HDAC4: variants seen among roughly 807,000 people sequenced by gnomAD.
HDAC4 encodes histone deacetylase A.
A neutral mutation model predicts 135.1 loss-of-function variants in HDAC4; 16 were observed. That is an observed-to-expected ratio of 0.12 (90% CI 0.08 to 0.18). HDAC4 has a LOEUF of 0.18. Among genes scored for constraint, HDAC4 ranks in the 10% least tolerant of loss-of-function variants. The pLI, the probability that HDAC4 is intolerant of heterozygous loss-of-function variation, is 1.00. For synonymous variants in HDAC4, 685 were observed against 653.4 expected (o/e 1.05, Z -0.74); for missense variants, 1,143 against 1,511.8 (o/e 0.76, Z 4.05).
At chr2:239,312,177 G>C (rs1238554740) in intron 2 of HDAC4, among the ~76,000 whole-genome samples, 1 of 152,134 alleles carries the variant, frequency 6.6e-6, no homozygotes, top group Non-Finnish European at 1.5e-5. Flanking sequence ...AGGAGGGGCG[G>C]GCAGGGGCAC....
intron 12 of HDAC4, 75 bp downstream of exon 12, chr2:239,126,381 G>C: frequency 6.2e-7 from 1 of 1,608,640 alleles, no homozygotes; most frequent in South Asian, 1.1e-5. Context: ...AAAGGGGCCA[G>C]TGCTGAAGCC....
At chr2:239,254,953 A>G (rs746022460) in intron 2 of HDAC4, among the ~76,000 whole-genome samples, 7 of 152,266 alleles carry the variant, frequency 4.6e-5, no homozygotes, top group Non-Finnish European at 8.8e-5. Context: ...AACAGCAACA[A>G]AAGTAGCCAA....
At chr2:239,312,414 G>C (rs1044499911) in intron 2 of HDAC4, among the ~76,000 whole-genome samples, 1 of 152,172 alleles carries the variant, frequency 6.6e-6, no homozygotes, top group South Asian at 2.1e-4. Context: ...TGCTGGCCCA[G>C]GAGCCCACAC....
intron 2 of HDAC4, among the ~76,000 whole-genome samples, chr2:239,316,134 G>A (rs2053103930): frequency 6.6e-6 from 1 of 152,176 alleles, no homozygotes; most frequent in Admixed American, 6.5e-5. Context: ...AAATCAGCAA[G>A]TAAGTAATAC....
chr2:239,286,288 A>G (rs563439182), intron 2 of HDAC4, among the ~76,000 whole-genome samples: 102 of 152,370 alleles, frequency 6.7e-4, no homozygotes, highest in Non-Finnish European at 1.3e-3. Flanking sequence ...ATTTTAAAAA[A>G]AAGAAAACCC....
In HDAC4 at chr2:239,189,811, G is replaced by A. The variant is rs2290091; in HGVS notation, c.339+22C>T. On this transcript the variant is annotated intron_variant, in intron 4 of 26. Coordinates refer to ENST00000543185, the MANE Select transcript of HDAC4 (RefSeq NM_001378414.1). ...AGGGTGCCGGAGGCCTGGCCCACCC[G>A]CAGCCCCGCACCGCGCCTCACCTTG... is the stretch of plus-strand genomic sequence containing the variant. 31,578 of 1,595,616 alleles carry A rather than the reference G, an allele frequency of 0.02. 835 individuals carry two copies. Among genetic ancestry groups the A allele is most frequent in the African/African-American group, 0.11 (8,012 of 74,842 alleles).
chr2:239,052,860 C>T lies in HDAC4; in HGVS notation c.*237G>A, dbSNP rs559849781. On this transcript the variant is annotated 3_prime_UTR_variant, in exon 27 of 27. Transcript: ENST00000543185. ...GCTTCCGCGTGTCCGTGTGTCTGCG[C>T]GTCGCCGGCGTCTGTCCCGTGTTCC... 1.9e-4 allele frequency: 111 copies of T among 575,330 alleles called. No individual in the cohort carries two copies. Among genetic ancestry groups the T allele is most frequent in the African/African-American group, 1.8e-3 (95 of 53,480 alleles). 35.6% of individuals were successfully genotyped at this position (575,330 alleles called of 1,614,324 possible).
At chr2:239,203,346 C>A (rs570172329) in intron 3 of HDAC4, among the ~76,000 whole-genome samples, 1 of 152,330 alleles carries the variant, frequency 6.6e-6, no homozygotes, top group East Asian at 1.9e-4. Context: ...CAGCTTCACA[C>A]ACGAGTCAAG....
At chr2:239,217,272 G>A (rs1049648884) in intron 3 of HDAC4, among the ~76,000 whole-genome samples, 4 of 151,934 alleles carry the variant, frequency 2.6e-5, no homozygotes, top group African/African-American at 9.7e-5. Context: ...CTTCATGGTG[G>A]ATAATCAAGC....
chr2:239,115,047 G>A lies in HDAC4; in HGVS notation c.1791+6C>T, dbSNP rs200477548. 24 of 1,609,240 alleles carry A rather than the reference G, an allele frequency of 1.5e-5. No individual in the cohort carries two copies. The highest frequency in any genetic ancestry group is 4.5e-5 in the East Asian group (2 of 44,856). On this transcript the variant is annotated splice_donor_region_variant and intron_variant, in intron 13 of 26. Coordinates refer to ENST00000543185, the MANE Select transcript of HDAC4 (RefSeq NM_001378414.1). This position sits in a 1 kb window ranked among gnomAD's most constrained non-coding sequence, Gnocchi z 6.3. ...GCCTTCTGGTGCCCTCCCCGCCTGC[G>A]GTCACCTGTCTGAAGAGCAGCTCCT...
chr2:239,334,489 C>A (rs1166387802), intron 2 of HDAC4, among the ~76,000 whole-genome samples: 1 of 151,432 alleles, frequency 6.6e-6, no homozygotes, highest in Non-Finnish European at 1.5e-5. Context: ...CCACTGCGCT[C>A]CAGCCTGGGC....
intron 2 of HDAC4, among the ~76,000 whole-genome samples, chr2:239,319,444 G>T (rs916881207): frequency 8.5e-5 from 13 of 152,264 alleles, no homozygotes; most frequent in Non-Finnish European, 1.8e-4. Flanking sequence ...CACAGGCCAG[G>T]CGAGGGCCAC....
chr2:239,190,879 G>T, intron 3 of HDAC4: 1 of 439,820 alleles, frequency 2.3e-6, no homozygotes. Context: ...ACAGGAAGAA[G>T]GGTAGGTTTA....
At chr2:239,062,417 G>C (rs1317355279) in intron 24 of HDAC4, among the ~76,000 whole-genome samples, 2 of 152,386 alleles carry the variant, frequency 1.3e-5, no homozygotes, top group Admixed American at 1.3e-4. Context: ...GCCGGGCAGA[G>C]GGGCGGGGCC....
intron 2 of HDAC4, among the ~76,000 whole-genome samples, chr2:239,252,627 A>G (rs1484800095): frequency 1.3e-5 from 2 of 152,186 alleles, no homozygotes; most frequent in African/African-American, 4.8e-5. Flanking sequence ...TGAGGATGGG[A>G]AGATGGTCTG....
intron 7 of HDAC4, among the ~76,000 whole-genome samples, chr2:239,149,320 A>G (rs553663076): frequency 9.2e-4 from 139 of 151,640 alleles, no homozygotes; most frequent in Non-Finnish European, 1.6e-3. Context: ...GAATCCCCTG[A>G]ACCCAGGAGG....
chr2:239,352,743 A>G lies in HDAC4; in HGVS notation c.-44T>C. On this transcript the variant is annotated 5_prime_UTR_variant, in exon 2 of 27. Coordinates refer to ENST00000543185, the MANE Select transcript of HDAC4 (RefSeq NM_001378414.1). This position sits in a 1 kb window ranked among gnomAD's most constrained non-coding sequence, Gnocchi z 4.4. Reference sequence around the variant, plus strand: ...CTTTAAGTGATTCGAAATGGCTCAAAATTTCCACGGAAACGATAGCTCCAA... The same window carrying G: ...CTTTAAGTGATTCGAAATGGCTCAAGATTTCCACGGAAACGATAGCTCCAA... The G allele has an allele frequency of 1.3e-6, 2 of 1,544,444 alleles. No homozygotes were observed. Among genetic ancestry groups the G allele is most frequent in the Non-Finnish European group, 1.8e-6 (2 of 1,139,680 alleles).
At chr2:239,341,426 C>A (rs189806383) in intron 2 of HDAC4, among the ~76,000 whole-genome samples, 4 of 152,312 alleles carry the variant, frequency 2.6e-5, no homozygotes, top group African/African-American at 7.2e-5. Flanking sequence ...GATTTGGATT[C>A]AGTCCATGTG....
intron 2 of HDAC4, among the ~76,000 whole-genome samples, chr2:239,295,111 T>A (rs2051787686): frequency 6.6e-6 from 1 of 151,428 alleles, no homozygotes; most frequent in African/African-American, 2.4e-5. Context: ...ATCGAGACCA[T>A]CCCGGCTATA....
Sources: gnomAD v4.1 joint callset for allele counts (sites outside exome capture counted in the v4.1 genomes callset) on GRCh38, gnomAD v4.1.1 for gene constraint, Gnocchi (gnomAD v3.1) non-coding constraint, MANE v1.5 for transcripts, NCBI Gene and HGNC (gene_info 2026-07-23, HGNC 2026-07-21) for gene names.